RPS6KC1: variants seen among roughly 807,000 people sequenced by gnomAD.
RPS6KC1 encodes inactive ribosomal protein S6 kinase delta-1.
RPS6KC1 carries 54 observed loss-of-function variants against 103.8 expected under a neutral mutation model. The observed-to-expected ratio is 0.52, with a 90% CI of 0.42 to 0.65. RPS6KC1 has a LOEUF of 0.65. RPS6KC1 is among the 30% of genes least tolerant of loss of function. The pLI, the probability that RPS6KC1 is intolerant of heterozygous loss-of-function variation, is 0.00. For missense variants in RPS6KC1, 1,151 were observed against 1,253.8 expected, an observed-to-expected ratio of 0.92 and a Z score of 1.24; for synonymous variants, 439 against 438.7, an observed-to-expected ratio of 1.00 and a Z score of -0.01.
chr1:213,503,024 C>T, the RPS6KC1 span, among the ~76,000 whole-genome samples: 1 of 151,896 alleles, frequency 6.6e-6, no homozygotes, highest in African/African-American at 2.4e-5. Flanking sequence ...GTCTGCTTTC[C>T]TTTTTGCATA....
chr1:213,059,012 CTAT>C (rs2077586128), intron 1 of RPS6KC1, among the ~76,000 whole-genome samples: 1 of 152,136 alleles, frequency 6.6e-6, no homozygotes, highest in Non-Finnish European at 1.5e-5. Context: ...ATTTTTGTAG[CTAT>C]TGTCAATAGT....
the RPS6KC1 span, among the ~76,000 whole-genome samples, chr1:213,390,072 G>A: frequency 6.6e-6 from 1 of 152,112 alleles, no homozygotes; most frequent in African/African-American, 2.4e-5. Flanking sequence ...CAAGATAAAC[G>A]ATCTTATTTG....
At chr1:213,601,609 G>GT in the RPS6KC1 span, among the ~76,000 whole-genome samples, 10 of 152,046 alleles carry the variant, frequency 6.6e-5, no homozygotes, top group East Asian at 1.9e-3. Context: ...TGGCTGGCCT[G>GT]TTGGGTCAGT....
chr1:213,655,215 G>A, the RPS6KC1 span, among the ~76,000 whole-genome samples: 1 of 152,074 alleles, frequency 6.6e-6, no homozygotes, highest in African/African-American at 2.4e-5. Context: ...GTTAATTTTT[G>A]TATTTTTAGT....
At chr1:213,112,882 A>G (rs971161004) in intron 4 of RPS6KC1, among the ~76,000 whole-genome samples, 3 of 152,202 alleles carry the variant, frequency 2.0e-5, no homozygotes, top group Admixed American at 1.3e-4. Context: ...TGTCCCTACA[A>G]AGGACATGAA....
chr1:213,511,195 A>G, the RPS6KC1 span, among the ~76,000 whole-genome samples: 5 of 146,876 alleles, frequency 3.4e-5, no homozygotes, highest in East Asian at 2.0e-4. Flanking sequence ...TTTTTTTTTT[A>G]GAAATAGGAA....
intron 12 of RPS6KC1, among the ~76,000 whole-genome samples, chr1:213,244,335 T>C (rs1438722858): frequency 6.6e-6 from 1 of 152,148 alleles, no homozygotes; most frequent in Admixed American, 6.6e-5. Context: ...GGGAGTTTTT[T>C]TGAGTCAAGC....
At chr1:213,380,516 A>G in the RPS6KC1 span, among the ~76,000 whole-genome samples, 1 of 152,062 alleles carries the variant, frequency 6.6e-6, no homozygotes, top group African/African-American at 2.4e-5. Flanking sequence ...AAATTTGCTA[A>G]AATAGTAAAT....
At chr1:213,272,428 C>T in intron 14 of RPS6KC1, 96 bp from the exon 15 acceptor site, 1 of 900,770 alleles carries the variant, frequency 1.1e-6, no homozygotes, top group South Asian at 1.4e-5. Context: ...TGCTTGTTAC[C>T]AGGGTTGAAT....
At chr1:213,218,239 G>A (rs1436837379) in intron 8 of RPS6KC1, among the ~76,000 whole-genome samples, 1 of 151,612 alleles carries the variant, frequency 6.6e-6, no homozygotes, top group East Asian at 1.9e-4. Context: ...AACAGACGGA[G>A]AGCCAAATCA....
At chr1:213,149,792 CTAA>C (rs2088416726) in intron 6 of RPS6KC1, among the ~76,000 whole-genome samples, 1 of 152,178 alleles carries the variant, frequency 6.6e-6, no homozygotes, top group African/African-American at 2.4e-5. Context: ...CTTGTTAGCA[CTAA>C]TAATATTTGC....
the RPS6KC1 span, among the ~76,000 whole-genome samples, chr1:213,463,249 C>A: frequency 6.6e-6 from 1 of 152,132 alleles, no homozygotes. Flanking sequence ...AAGGGCTCAT[C>A]CAGTAGAGTT....
chr1:213,592,073 G>C, the RPS6KC1 span, among the ~76,000 whole-genome samples: 1 of 152,162 alleles, frequency 6.6e-6, no homozygotes, highest in African/African-American at 2.4e-5. Flanking sequence ...CATTCCTGAG[G>C]GGGAAGCTGG....
chr1:213,496,073 T>C, the RPS6KC1 span, among the ~76,000 whole-genome samples: 2 of 151,582 alleles, frequency 1.3e-5, no homozygotes, highest in Non-Finnish European at 2.9e-5. Flanking sequence ...AAATACACAC[T>C]TTAGCACACT....
the RPS6KC1 span, among the ~76,000 whole-genome samples, chr1:213,382,533 C>CTT: frequency 1.6e-4 from 22 of 134,366 alleles, no homozygotes; most frequent in African/African-American, 5.5e-4. Flanking sequence ...TTCACTCCAT[C>CTT]TTTTTTTTTT....
the RPS6KC1 span, among the ~76,000 whole-genome samples, chr1:213,542,436 C>T: frequency 3.9e-5 from 6 of 152,196 alleles, no homozygotes; most frequent in African/African-American, 7.2e-5. Flanking sequence ...CAGGCCATTG[C>T]AGTGAGTGGT....
chr1:213,511,774 G>A, the RPS6KC1 span, among the ~76,000 whole-genome samples: 429 of 152,226 alleles, frequency 2.8e-3, 6 homozygotes, highest in African/African-American at 0.01. Flanking sequence ...CTTCTCCAAG[G>A]AGGTGTCCCT....
chr1:213,649,503 A>G, the RPS6KC1 span, among the ~76,000 whole-genome samples: 37 of 151,866 alleles, frequency 2.4e-4, no homozygotes, highest in Non-Finnish European at 4.4e-5. Context: ...CTTTGATGCT[A>G]TTGTTCCCTG....
the RPS6KC1 span, among the ~76,000 whole-genome samples, chr1:213,780,559 A>C: frequency 7.4e-3 from 1,135 of 152,354 alleles, 15 homozygotes; most frequent in South Asian, 0.046. Context: ...TGGGCCAAGA[A>C]GAATTCTCTT....
Sources: allele counts gnomAD v4.1 joint callset (sites outside exome capture counted in the v4.1 genomes callset), GRCh38; gene constraint gnomAD v4.1.1; transcripts MANE v1.5; gene names NCBI Gene and HGNC (gene_info 2026-07-23, HGNC 2026-07-21).